Variants in LAMA2 observed in about 807,000 individuals in gnomAD.
LAMA2 encodes laminin subunit alpha 2.
LAMA2 carries 269 observed loss-of-function variants against 364.8 expected under a neutral mutation model. The ratio of observed to expected loss-of-function variants is 0.74; its 90% CI spans 0.67 to 0.82. The LOEUF (loss-of-function observed/expected upper bound fraction) is 0.82, where lower values mean the gene tolerates loss of function less well. LAMA2 is among the 40% of genes least tolerant of loss of function. The pLI is 0.00. For missense variants in LAMA2, 3,807 were observed against 3,873.2 expected (o/e 0.98, Z 0.45); for synonymous variants, 1,379 against 1,370.6 (o/e 1.01, Z -0.14).
intron 28 of LAMA2, among the ~76,000 whole-genome samples, chr6:129,322,818 A>G (rs765446402): frequency 6.6e-6 from 1 of 152,200 alleles, no homozygotes; most frequent in Non-Finnish European, 1.5e-5. Context: ...CTTTCTTCAT[A>G]TGATTGATAG....
At chr6:129,391,681 T>C in intron 36 of LAMA2, 28 bp downstream of exon 36, 1 of 1,588,720 alleles carries the variant, frequency 6.3e-7, no homozygotes, top group Middle Eastern at 1.7e-4. Context: ...TATTTTTTCT[T>C]TTGACAAACT....
At chr6:129,182,499 T>C (rs1173311815) in intron 10 of LAMA2, among the ~76,000 whole-genome samples, 2 of 151,850 alleles carry the variant, frequency 1.3e-5, no homozygotes, top group East Asian at 3.9e-4. Flanking sequence ...AAAAATAAAT[T>C]GTAGTGTTTC....
intron 12 of LAMA2, among the ~76,000 whole-genome samples, chr6:129,230,459 A>G (rs1784610960): frequency 6.6e-6 from 1 of 152,132 alleles, no homozygotes; most frequent in African/African-American, 2.4e-5. Flanking sequence ...AAATAAGGGC[A>G]TAGATACTTT....
intron 48 of LAMA2, among the ~76,000 whole-genome samples, chr6:129,459,976 C>T (rs981705327): frequency 1.3e-5 from 2 of 151,970 alleles, no homozygotes; most frequent in Admixed American, 6.6e-5. Context: ...AATCAGCATT[C>T]GTGGATTAAA....
At chr6:129,248,802 G>A (rs748700902) in intron 12 of LAMA2, among the ~76,000 whole-genome samples, 5 of 152,166 alleles carry the variant, frequency 3.3e-5, no homozygotes, top group Admixed American at 1.3e-4. Flanking sequence ...GAAGCATGCT[G>A]TGTGAAATTT....
chr6:128,921,697 G>GTTTTTTTTTTTTTTTTTTTTTTTTTTTTT (rs547882651), intron 1 of LAMA2, among the ~76,000 whole-genome samples: 1 of 118,070 alleles, frequency 8.5e-6, no homozygotes, highest in African/African-American at 3.7e-5. Flanking sequence ...ATGAATGTCT[G>GTTTTTTTTTTTTTTTTTTTTTTTTTTTTT]TTTTTTTTTT....
intron 12 of LAMA2, among the ~76,000 whole-genome samples, chr6:129,249,068 G>A (rs7751571): frequency 0.16 from 24,454 of 152,064 alleles, 2,185 homozygotes; most frequent in South Asian, 0.23. Context: ...CAGCCGTAGC[G>A]AGCTATGTGC....
intron 1 of LAMA2, among the ~76,000 whole-genome samples, chr6:129,011,725 C>A (rs148733382): frequency 6.6e-6 from 1 of 152,312 alleles, no homozygotes; most frequent in East Asian, 1.9e-4. Context: ...TCCGGACTTT[C>A]AGGGTCAGTA....
At chr6:129,343,480 A>G (rs1776378496) in intron 30 of LAMA2, among the ~76,000 whole-genome samples, 1 of 152,150 alleles carries the variant, frequency 6.6e-6, no homozygotes, top group Non-Finnish European at 1.5e-5. Context: ...TAAGCTGGAT[A>G]TTGAAGAGGA....
chr6:129,453,200 A>G (rs1782777386), intron 46 of LAMA2, 69 bp downstream of exon 46: 1 of 1,408,800 alleles, frequency 7.1e-7, no homozygotes, highest in Non-Finnish European at 1.0e-6. Context: ...CTGAAAATGT[A>G]TAGAATCCCC....
intron 33 of LAMA2, among the ~76,000 whole-genome samples, chr6:129,368,598 A>T (rs1382001296): frequency 6.6e-6 from 1 of 152,230 alleles, no homozygotes; most frequent in Non-Finnish European, 1.5e-5. Context: ...TTTTAAAACT[A>T]ATACTTAAGC....
chr6:129,478,804 T>C lies in LAMA2; in HGVS notation c.7563T>C (p.Cys2521=), dbSNP rs1363497174. The C allele has an allele frequency of 6.2e-7, 1 of 1,613,178 alleles. No homozygotes were observed. The highest frequency in any genetic ancestry group is 2.2e-5 in the East Asian group (1 of 44,852). The change falls in exon 54 of 65, where the codon TGT becomes TGC. Residue 2521 remains cysteine (C), a synonymous_variant. Transcript: ENST00000421865. The part of the protein sequence containing the change: ...SPDYVGVTKG[C]SLENVYTVSF... The stretch of plus-strand genomic sequence containing the variant: ...ATTATGTTGGTGTTACCAAAGGATG[T>C]TCCCTGGAGGTTGGTCTGTTTTTGA...
intron 1 of LAMA2, among the ~76,000 whole-genome samples, chr6:128,951,944 C>T (rs906885499): frequency 6.6e-6 from 1 of 152,238 alleles, no homozygotes; most frequent in Middle Eastern, 3.4e-3. Flanking sequence ...GCAGGAGGAT[C>T]GCTTGAGGCC....
chr6:128,959,774 T>C (rs1016285525), intron 1 of LAMA2, among the ~76,000 whole-genome samples: 2 of 152,168 alleles, frequency 1.3e-5, no homozygotes, highest in African/African-American at 4.8e-5. Flanking sequence ...TGAAATACAC[T>C]ATATAGTTTA....
chr6:129,182,444 A>G (rs1412442492), intron 10 of LAMA2, among the ~76,000 whole-genome samples: 1 of 151,818 alleles, frequency 6.6e-6, no homozygotes, highest in Admixed American at 6.6e-5. Flanking sequence ...AAATGTGCTC[A>G]ACGTAAATGT....
chr6:128,911,005 C>T (rs1053277793), intron 1 of LAMA2, among the ~76,000 whole-genome samples: 2 of 151,176 alleles, frequency 1.3e-5, no homozygotes, highest in African/African-American at 2.5e-5. Context: ...CTTAGATCTC[C>T]AGCTGCGTAC....
chr6:129,086,747 C>T (rs1774409946), intron 3 of LAMA2, among the ~76,000 whole-genome samples: 1 of 152,132 alleles, frequency 6.6e-6, no homozygotes, highest in Non-Finnish European at 1.5e-5. Context: ...GGCTTAAAAC[C>T]TCACAAATTT....
chr6:129,225,117 G>A (rs1784155024), intron 12 of LAMA2, among the ~76,000 whole-genome samples: 1 of 152,150 alleles, frequency 6.6e-6, no homozygotes, highest in Non-Finnish European at 1.5e-5. Context: ...TAGTTTATTT[G>A]CATAGAGGTG....
At chr6:129,167,298 CT>C (rs1452283599) in intron 9 of LAMA2, among the ~76,000 whole-genome samples, 1 of 146,824 alleles carries the variant, frequency 6.8e-6, no homozygotes, top group East Asian at 2.1e-4. Context: ...TCTCCCAATG[CT>C]ATCCCTCCCC....
Sources: allele counts gnomAD v4.1 joint callset (sites outside exome capture counted in the v4.1 genomes callset), GRCh38; gene constraint gnomAD v4.1.1; transcripts MANE v1.5; gene names NCBI Gene and HGNC (gene_info 2026-07-23, HGNC 2026-07-21).